SERPINB6: variants seen among roughly 807,000 people sequenced by gnomAD.
SERPINB6 encodes the protein serpin family B member 6, also known as serpin B6.
A neutral mutation model predicts 26.1 loss-of-function variants in SERPINB6; 16 were observed. That is an observed-to-expected ratio of 0.61 (90% CI 0.42 to 0.93). The LOEUF (loss-of-function observed/expected upper bound fraction) is 0.93. Among genes scored for constraint, SERPINB6 ranks in the 40% least tolerant of loss-of-function variants. SERPINB6 has a pLI of 0.00. For missense variants in SERPINB6, 420 were observed against 478.0 expected (o/e 0.88, Z 1.13); for synonymous variants, 174 against 176.6 (o/e 0.99, Z 0.11).
chr6:2,962,092 TAATATCCCGGAGAATCTGTTTC>T, intron 1 of SERPINB6: 1 of 985,360 alleles, frequency 1.0e-6, no homozygotes, highest in Non-Finnish European at 1.2e-6. Context: ...CCGTCTCCGG[TAATATCCCGGAGAATCTGTTTC>T]AGGCGCTGAT....
chr6:2,965,658 CTT>C (rs1184167458), intron 1 of SERPINB6, among the ~76,000 whole-genome samples: 1 of 152,152 alleles, frequency 6.6e-6, no homozygotes, highest in Non-Finnish European at 1.5e-5. Flanking sequence ...GATTACAAAA[CTT>C]ATTTCTATAC....
intron 2 of SERPINB6, chr6:2,956,997 G>A (rs575145623): frequency 6.6e-6 from 1 of 152,344 alleles, no homozygotes; most frequent in Admixed American, 6.5e-5. Flanking sequence ...CAGCCACTAA[G>A]TTTGGGATGG....
At chr6:2,968,464 TAA>T (rs5873849) in intron 1 of SERPINB6, 3,286 of 868,576 alleles carry the variant, frequency 3.8e-3, no homozygotes, top group East Asian at 0.014. Flanking sequence ...TTTAAAAGGT[TAA>T]AAAAAAAAAG....
intron 4 of SERPINB6, among the ~76,000 whole-genome samples, chr6:2,954,023 T>TTTTG (rs1770126301): frequency 6.8e-6 from 1 of 146,728 alleles, no homozygotes; most frequent in Non-Finnish European, 1.5e-5. Flanking sequence ...AGAGCAAAAC[T>TTTTG]CCATCTCAAA....
chr6:2,965,651 T>A (rs1771557693), intron 1 of SERPINB6, among the ~76,000 whole-genome samples: 1 of 152,228 alleles, frequency 6.6e-6, no homozygotes, highest in South Asian at 2.1e-4. Flanking sequence ...GTACAATGAT[T>A]ACAAAACTTA....
chr6:2,949,140 C>G (rs1031744707), intron 5 of SERPINB6, 71 bp from the exon 6 acceptor site: 4 of 1,548,628 alleles, frequency 2.6e-6, no homozygotes, highest in Non-Finnish European at 2.6e-6. Context: ...TGTGTCGGAG[C>G]TGGCCACTCT....
chr6:2,967,295 G>T lies in SERPINB6; in HGVS notation c.-11+4238C>A. On this transcript the variant is annotated intron_variant, in intron 1 of 6. Transcript: ENST00000380539. This position sits in a 1 kb window ranked among gnomAD's most constrained non-coding sequence, Gnocchi z 4.3. Reference sequence around the variant, plus strand: ...ACACCATGTACAAAAATCAACTCAAGATGGATTAAAGGCTTAGATGTAAAA... The same window carrying T: ...ACACCATGTACAAAAATCAACTCAATATGGATTAAAGGCTTAGATGTAAAA... The T allele has an allele frequency of 1.1e-6, 1 of 903,546 alleles. No individual in the cohort carries two copies. Among genetic ancestry groups the T allele is most frequent in the Non-Finnish European group, 1.3e-6 (1 of 755,314 alleles). 56.0% of individuals were successfully genotyped at this position (903,546 alleles called of 1,614,324 possible).
At chr6:2,955,450 C>T in intron 3 of SERPINB6, 74 bp downstream of exon 3, 1 of 1,582,020 alleles carries the variant, frequency 6.3e-7, no homozygotes, top group Non-Finnish European at 8.7e-7. Flanking sequence ...GAGCCACACG[C>T]TTCCTGCTGG....
chr6:2,969,137 G>A (rs188772783), intron 1 of SERPINB6: 113 of 1,011,316 alleles, frequency 1.1e-4, no homozygotes, highest in Non-Finnish European at 1.2e-4. Context: ...CACATTTAAA[G>A]TTTACCACTC....
At chr6:2,969,531 A>G in intron 1 of SERPINB6, 2 of 985,400 alleles carry the variant, frequency 2.0e-6, no homozygotes, top group Non-Finnish European at 2.4e-6. Context: ...AGCCTAACAA[A>G]TCTATCCTGG....
At position 2,969,044 on chromosome 6, in the gene SERPINB6, C is replaced by T. The variant is rs73718779; in HGVS notation, c.-11+2489G>A. The T allele has an allele frequency of 0.12, 140,077 of 1,172,344 alleles. 10,254 individuals are homozygous for T. The highest frequency in any genetic ancestry group is 0.32 in the African/African-American group (20,259 of 63,046). 72.6% of individuals were successfully genotyped at this position (1,172,344 alleles called of 1,614,324 possible). A position where few individuals can be genotyped will look rare whatever the true frequency, so the allele number is the denominator to read the frequency against. ...AGTTTGAGCATTTTCATTATCACTT[C>T]GCAATAATGCATAAACACTGAACAA... On this transcript the variant is annotated intron_variant, in intron 1 of 6. Coordinates refer to ENST00000380539, the MANE Select transcript of SERPINB6 (RefSeq NM_004568.6).
chr6:2,950,532 C>CAAAAAAAAAAAAAAAAA (rs5873848), intron 5 of SERPINB6, among the ~76,000 whole-genome samples: 1 of 110,194 alleles, frequency 9.1e-6, no homozygotes, highest in Non-Finnish European at 1.9e-5. Context: ...GACTCCATCT[C>CAAAAAAAAAAAAAAAAA]AAAAAAAAAA....
chr6:2,964,412 A>T (rs954489141), intron 1 of SERPINB6, among the ~76,000 whole-genome samples: 1 of 152,210 alleles, frequency 6.6e-6, no homozygotes, highest in Non-Finnish European at 1.5e-5. Flanking sequence ...AGATTACATT[A>T]AAAAAGATAT....
intron 1 of SERPINB6, 150 bp from the exon 2 acceptor site, chr6:2,959,492 C>T: frequency 1.3e-6 from 1 of 761,962 alleles, no homozygotes; most frequent in East Asian, 2.6e-5. Context: ...TTAGGACCCT[C>T]CACATTATTT....
chr6:2,966,324 G>T (rs1031324679), intron 1 of SERPINB6: 31 of 948,424 alleles, frequency 3.3e-5, no homozygotes, highest in Middle Eastern at 8.4e-4. Context: ...ATTTGCTGAT[G>T]TTTTTTTTTC....
At chr6:2,969,905 G>A (rs1397178059) in intron 1 of SERPINB6, 2 of 790,480 alleles carry the variant, frequency 2.5e-6, no homozygotes, top group Admixed American at 6.3e-5. Context: ...GGGAGGCCAA[G>A]GCGGGCAGAT....
rs1771943669 is a variant in SERPINB6, at chr6:2,969,598, T to C, written c.-11+1935A>G. The C allele has an allele frequency of 1.8e-5, 18 of 985,426 alleles. 1 individual carries two copies. The South Asian group carries it at 6.1e-4, about 33-fold the overall frequency. 61.0% of individuals were successfully genotyped at this position (985,426 alleles called of 1,614,324 possible). On this transcript the variant is annotated intron_variant, in intron 1 of 6. Coordinates refer to ENST00000380539, the MANE Select transcript of SERPINB6 (RefSeq NM_004568.6). The stretch of plus-strand genomic sequence containing the variant: ...TAACTGAGCAATGTTCACAATTGAT[T>C]TTATTCAACTAATCAAGTCTTAATT...
intron 1 of SERPINB6, chr6:2,969,510 T>G: frequency 1.0e-6 from 1 of 985,314 alleles, no homozygotes; most frequent in African/African-American, 1.7e-5. Context: ...ATTTTATGTA[T>G]TTTTTAAACA....
Position 2,948,634 on chromosome 6 carries a change from CT to C in SERPINB6, c.794del (p.Glu265GlyfsTer12). The C allele has an allele frequency of 1.2e-6, 2 of 1,614,154 alleles. No homozygotes were observed. Among genetic ancestry groups the C allele is most frequent in the Non-Finnish European group, 1.7e-6 (2 of 1,179,962 alleles). ...ACCGCGGGAGGGACACTTCCACCTCCTCTTCATCCATCATGTCCAGCCTCGT... is the reference window on the plus strand; with the variant it reads ...ACCGCGGGAGGGACACTTCCACCTCCCTTCATCCATCATGTCCAGCCTCGT... ...EWTRLDMMDE[E>X]EVEVSLPRFK... On this transcript the variant is annotated frameshift_variant, in exon 7 of 7. Transcript: ENST00000380539. LOFTEE classifies it low-confidence loss of function (END_TRUNC). The surrounding 1 kb of genome is among the most constrained non-coding windows in gnomAD (Gnocchi z 5.0).
Sources: gnomAD v4.1 joint callset for allele counts (sites outside exome capture counted in the v4.1 genomes callset) on GRCh38, gnomAD v4.1.1 for gene constraint, Gnocchi (gnomAD v3.1) non-coding constraint, MANE v1.5 for transcripts, NCBI Gene and HGNC (gene_info 2026-07-23, HGNC 2026-07-21) for gene names.